Variants in TRPM2 observed in about 807,000 individuals in gnomAD.
TRPM2 encodes transient receptor potential cation channel subfamily M member 2, also known as estrogen-responsive element-associated gene 1 protein.
In TRPM2, 161 loss-of-function variants were observed where a neutral mutation model predicts 174.0. That is an observed-to-expected ratio of 0.93 (90% confidence interval 0.81 to 1.05). TRPM2 has a LOEUF of 1.05. Ranked by LOEUF, TRPM2 falls within the 50% of genes least tolerant of loss-of-function variation. The pLI is 0.00. For synonymous variants in TRPM2, 954 were observed against 861.3 expected, an observed-to-expected ratio of 1.11 and a Z score of -1.88; for missense variants, 2,057 against 2,038.0, an observed-to-expected ratio of 1.01 and a Z score of -0.18.
chr21:44,387,056 C>G (rs1186352619), intron 9 of TRPM2, among the ~76,000 whole-genome samples: 1 of 152,018 alleles, frequency 6.6e-6, no homozygotes, highest in Non-Finnish European at 1.5e-5. Flanking sequence ...CAAGGTGGTT[C>G]ATGCTTGTAG....
At chr21:44,437,006 A>C in intron 28 of TRPM2, 56 bp from the exon 29 acceptor site, 1 of 1,482,478 alleles carries the variant, frequency 6.7e-7, no homozygotes. Flanking sequence ...GCCGCGGCGC[A>C]GGGGAGGGTG....
chr21:44,368,730 C>T (rs1258369275), intron 4 of TRPM2, among the ~76,000 whole-genome samples: 1 of 152,194 alleles, frequency 6.6e-6, no homozygotes, highest in Admixed American at 6.5e-5. Context: ...CCGTGCCCGG[C>T]CGGAGGTGTG....
At chr21:44,406,997 G>C (rs45621734) in intron 19 of TRPM2, among the ~76,000 whole-genome samples, 1 of 149,940 alleles carries the variant, frequency 6.7e-6, no homozygotes, top group South Asian at 2.1e-4. Flanking sequence ...GTGGTGCCAC[G>C]CAGAGGTCAG....
chr21:44,387,834 C>T (rs187158116), intron 9 of TRPM2, among the ~76,000 whole-genome samples: 1 of 152,236 alleles, frequency 6.6e-6, no homozygotes, highest in Non-Finnish European at 1.5e-5. Context: ...CAGATCAAAA[C>T]TAAGAGATAT....
Position 44,354,590 on chromosome 21 carries a change from G to T in TRPM2, c.166-58G>T. On this transcript the variant is annotated intron_variant, in intron 1 of 31. Transcript: ENST00000397928. The surrounding 1 kb of genome is among the most constrained non-coding windows in gnomAD (Gnocchi z 4.3). ...CAAGGAGCTCAGATGTGTCTCCAGG[G>T]GGCTGGGTGTGCTCTTTCGAATGTT... 1 of 1,488,788 alleles carries T rather than the reference G, an allele frequency of 6.7e-7. No homozygotes were observed. Among genetic ancestry groups the T allele is most frequent in the Middle Eastern group, 1.7e-4 (1 of 5,816 alleles). 92.2% of individuals were successfully genotyped at this position (1,488,788 alleles called of 1,614,324 possible).
intron 9 of TRPM2, among the ~76,000 whole-genome samples, chr21:44,386,708 C>G (rs571275972): frequency 1.9e-4 from 28 of 144,254 alleles, no homozygotes. Context: ...CCTATCAAAA[C>G]CCCAGTGATT....
chr21:44,374,293 G>A (rs1334660067), intron 5 of TRPM2, among the ~76,000 whole-genome samples: 1 of 152,118 alleles, frequency 6.6e-6, no homozygotes, highest in Non-Finnish European at 1.5e-5. Flanking sequence ...TTCCAGGCGT[G>A]AGCCACCGTG....
intron 27 of TRPM2, among the ~76,000 whole-genome samples, chr21:44,433,586 A>G (rs762429): frequency 0.79 from 119,740 of 152,150 alleles, 49,735 homozygotes; most frequent in Non-Finnish European, 0.92. Flanking sequence ...CCCTCGCAGG[A>G]ACCCTGACTG....
chr21:44,377,245 G>T (rs563952669), intron 6 of TRPM2, among the ~76,000 whole-genome samples: 212 of 152,356 alleles, frequency 1.4e-3, no homozygotes, highest in African/African-American at 4.4e-3. Flanking sequence ...ATGAAGTTCA[G>T]GGTGGGGCTG....
At chr21:44,382,527 A>T (rs1011075371) in intron 8 of TRPM2, among the ~76,000 whole-genome samples, 191 bp from the exon 9 acceptor site, 3 of 152,124 alleles carry the variant, frequency 2.0e-5, no homozygotes, top group Admixed American at 6.5e-5. Flanking sequence ...TCTCACGAAC[A>T]TGATGTATTT....
intron 15 of TRPM2, among the ~76,000 whole-genome samples, chr21:44,401,192 G>A (rs1487262647): frequency 2.6e-5 from 4 of 152,162 alleles, no homozygotes; most frequent in Non-Finnish European, 5.9e-5. Flanking sequence ...CCGTTCCAGC[G>A]GCCCGGGGAT....
chr21:44,361,118 C>A (rs1279685671), intron 2 of TRPM2, among the ~76,000 whole-genome samples: 1 of 152,160 alleles, frequency 6.6e-6, no homozygotes, highest in Non-Finnish European at 1.5e-5. Context: ...ACTTGATATC[C>A]ATCCAAGTTG....
chr21:44,406,741 G>A lies in TRPM2; in HGVS notation c.2938G>A (p.Gly980Arg), dbSNP rs577653349. Reference protein sequence around the residue: ...AVYHSYLTIFGQIPGYIDGVN... With the variant: ...AVYHSYLTIFRQIPGYIDGVN... ...CTACCACTCCTACCTCACCATCTTC[G>A]GGCAGATCCCGGGCTACATCGACGG... The change falls in exon 19 of 32, where the codon GGG (glycine) becomes AGG (arginine). Residue 980 changes from glycine to arginine, a missense_variant. Physicochemically the swap from Gly to Arg is moderately radical, Grantham distance 125. Transcript: ENST00000397928. The A allele has an allele frequency of 1.4e-5, 22 of 1,606,716 alleles. No homozygotes were observed. Among genetic ancestry groups the A allele is most frequent in the Middle Eastern group, 4.4e-4 (2 of 4,506 alleles).
At position 44,435,135 on chromosome 21, in the gene TRPM2, C is replaced by T. The variant is rs1218949416; in HGVS notation, c.3979C>T (p.Pro1327Ser). The T allele has an allele frequency of 1.9e-6, 3 of 1,612,738 alleles. No individual in the cohort carries two copies. Among genetic ancestry groups the T allele is most frequent in the East Asian group, 4.5e-5 (2 of 44,848 alleles). ...CTCAACCCCTCTGCATCCCAGGAAC[C>T]CCATGGGCCGCACAGGACTGCGTGG... ...YTVQAGLPLN[P>S]MGRTGLRGRG... Residue 1327 changes from proline (P) to serine (S), a missense_variant, in exon 28 of 32, where the codon CCC becomes TCC. By Grantham distance (74) the Pro-to-Ser change is moderately conservative (BLOSUM62 -1). Transcript: ENST00000397928.
intron 27 of TRPM2, among the ~76,000 whole-genome samples, chr21:44,434,016 C>T (rs1309991095): frequency 2.0e-5 from 3 of 151,952 alleles, no homozygotes; most frequent in Non-Finnish European, 2.9e-5. Flanking sequence ...TGGTGGCCGC[C>T]GGTGCTAGAG....
intron 16 of TRPM2, among the ~76,000 whole-genome samples, chr21:44,404,408 T>C (rs929055329): frequency 1.3e-5 from 2 of 152,138 alleles, no homozygotes; most frequent in Non-Finnish European, 2.9e-5. Context: ...CACATACATA[T>C]TCACACGTAT....
At chr21:44,357,630 G>A (rs1180262833) in intron 2 of TRPM2, among the ~76,000 whole-genome samples, 1 of 152,200 alleles carries the variant, frequency 6.6e-6, no homozygotes, top group Non-Finnish European at 1.5e-5. Context: ...TGCATCCTGC[G>A]CTGGCCACGT....
In TRPM2 at chr21:44,423,589, CGTTCCCAGGGCCCCAAGGTGTGGT is replaced by C. The variant is rs552409779; in HGVS notation, c.3462-53_3462-30del. On this transcript the variant is annotated intron_variant, in intron 22 of 31. Coordinates refer to ENST00000397928, the MANE Select transcript of TRPM2 (RefSeq NM_003307.4). Reference sequence around the variant, plus strand: ...CAGGGCTGTCTGCAGAGCGGTGTGGCGTTCCCAGGGCCCCAAGGTGTGGTGTGCGTCCAGCTCAGCTGCTTCCTC... The same window carrying C: ...CAGGGCTGTCTGCAGAGCGGTGTGGCGTGCGTCCAGCTCAGCTGCTTCCTC... The C allele has an allele frequency of 8.5e-4, 1,264 of 1,485,692 alleles. 12 individuals are homozygous for C. In the African/African-American group the frequency reaches 0.016, roughly 18 times the overall value. 92.0% of individuals were successfully genotyped at this position (1,485,692 alleles called of 1,614,324 possible). A position where few individuals can be genotyped will look rare whatever the true frequency, so the allele number is the denominator to read the frequency against.
rs200009499 is a variant in TRPM2 at position 44,405,900 on chromosome 21, G to A, written c.2658-5G>A. Reference sequence around the variant, plus strand: ...GAGATGTGTGTGCTTCTGCCCGGCGGCCAGGCTCATCCCGGCGACGCTGTA... The same window carrying A: ...GAGATGTGTGTGCTTCTGCCCGGCGACCAGGCTCATCCCGGCGACGCTGTA... On this transcript the variant is annotated splice_region_variant and splice_polypyrimidine_tract_variant and intron_variant, in intron 17 of 31. Transcript: ENST00000397928. 31 of 1,601,024 alleles carry A rather than the reference G, an allele frequency of 1.9e-5. No individual in the cohort carries two copies. Among genetic ancestry groups the A allele is most frequent in the Non-Finnish European group, 2.5e-5 (30 of 1,179,184 alleles).
Sources: allele counts gnomAD v4.1 joint callset (sites outside exome capture counted in the v4.1 genomes callset), GRCh38; gene constraint gnomAD v4.1.1; non-coding constraint Gnocchi (gnomAD v3.1); transcripts MANE v1.5; gene names NCBI Gene and HGNC (gene_info 2026-07-23, HGNC 2026-07-21).